TRPM2: variants seen among roughly 807,000 people sequenced by gnomAD.
The protein encoded by TRPM2 is estrogen-responsive element-associated gene 1 protein.
TRPM2 carries 161 observed loss-of-function variants against 174.0 expected under a neutral mutation model. That is an observed-to-expected ratio of 0.93 (90% CI 0.81 to 1.05). The LOEUF (loss-of-function observed/expected upper bound fraction) is 1.05, where lower values mean the gene tolerates loss of function less well. Among genes scored for constraint, TRPM2 ranks in the 50% least tolerant of loss-of-function variants. The pLI is 0.00. For synonymous variants in TRPM2, 954 were observed against 861.3 expected (o/e 1.11, Z -1.88); for missense variants, 2,057 against 2,038.0 (o/e 1.01, Z -0.18).
intron 2 of TRPM2, among the ~76,000 whole-genome samples, chr21:44,360,220 G>C (rs1295787110): frequency 6.6e-6 from 1 of 152,188 alleles, no homozygotes; most frequent in African/African-American, 2.4e-5. Flanking sequence ...GAAAAAAGAG[G>C]GAAGTTAGCA....
At chr21:44,389,798 G>A (rs2049117851) in intron 9 of TRPM2, among the ~76,000 whole-genome samples, 2 of 151,930 alleles carry the variant, frequency 1.3e-5, no homozygotes, top group Admixed American at 6.6e-5. Flanking sequence ...TCGTTCGTCA[G>A]ATATTATTTT....
In TRPM2 at chr21:44,441,925, A is replaced by G. The variant is rs1405080347; in HGVS notation, c.*108A>G. 5 of 1,403,550 alleles carry G rather than the reference A, an allele frequency of 3.6e-6. No homozygotes were observed. Among genetic ancestry groups the G allele is most frequent in the Admixed American group, 2.6e-5 (1 of 38,068 alleles). 86.9% of individuals were successfully genotyped at this position (1,403,550 alleles called of 1,614,324 possible). ...CTCAGGCTGTTCCTGGGCCCTGCAC[A>G]TGATGGGGTTTGGTGGACCCAGTGC... On this transcript the variant is annotated 3_prime_UTR_variant, in exon 32 of 32. Coordinates refer to ENST00000397928, the MANE Select transcript of TRPM2 (RefSeq NM_003307.4).
Position 44,405,895 on chromosome 21 carries a change from C to T in TRPM2, c.2658-10C>T, listed in dbSNP as rs115279384. ...TGGCTGAGATGTGTGTGCTTCTGCC[C>T]GGCGGCCAGGCTCATCCCGGCGACG... is the stretch of plus-strand genomic sequence containing the variant. On this transcript the variant is annotated splice_polypyrimidine_tract_variant and intron_variant, in intron 17 of 31. Transcript: ENST00000397928. 1,625 of 1,599,444 alleles carry T rather than the reference C, an allele frequency of 1.0e-3. 15 individuals carry two copies. The African/African-American group carries it at 0.018, about 18-fold the overall frequency.
Position 44,442,253 on chromosome 21 carries a change from C to A in TRPM2, c.*436C>A, listed in dbSNP as rs116446154. On this transcript the variant is annotated 3_prime_UTR_variant, in exon 32 of 32. Transcript: ENST00000397928. ...AGGCCTATGTCTGTGAGGAAGGGGC[C>A]CTGCCACTCTCCCCAAGAGGGCCTC... 5,684 of 157,408 alleles carry A rather than the reference C, an allele frequency of 0.036. 355 individuals are homozygous for A. Among genetic ancestry groups the A allele is most frequent in the African/African-American group, 0.13 (5,300 of 41,760 alleles). 9.8% of individuals were successfully genotyped at this position (157,408 alleles called of 1,614,324 possible).
chr21:44,440,930 C>T (rs769394713), intron 31 of TRPM2, 25 bp downstream of exon 31: 17 of 1,604,612 alleles, frequency 1.1e-5, no homozygotes, highest in East Asian at 6.7e-5. Flanking sequence ...TCCCTGGAGG[C>T]GGGAGTGGGG....
intron 3 of TRPM2, among the ~76,000 whole-genome samples, chr21:44,365,858 G>C (rs2048344498): frequency 6.6e-6 from 1 of 152,238 alleles, no homozygotes; most frequent in African/African-American, 2.4e-5. Flanking sequence ...AGGGAGACCA[G>C]CACCTCCAGA....
intron 27 of TRPM2, among the ~76,000 whole-genome samples, chr21:44,431,955 C>T (rs144041129): frequency 6.6e-6 from 1 of 152,184 alleles, no homozygotes; most frequent in South Asian, 2.1e-4. Context: ...AACCCCTAAC[C>T]TTAACCCTAA....
intron 5 of TRPM2, among the ~76,000 whole-genome samples, chr21:44,371,093 C>G (rs1032490583): frequency 1.3e-5 from 2 of 152,374 alleles, no homozygotes; most frequent in African/African-American, 4.8e-5. Flanking sequence ...TGGCCATCAT[C>G]CAGCCATCGG....
At chr21:44,435,378 C>T (rs1014079368) in intron 28 of TRPM2, among the ~76,000 whole-genome samples, 161 bp downstream of exon 28, 4 of 152,180 alleles carry the variant, frequency 2.6e-5, no homozygotes, top group South Asian at 2.1e-4. Flanking sequence ...TGTGGATAAA[C>T]GTGAATATGC....
intron 2 of TRPM2, among the ~76,000 whole-genome samples, chr21:44,361,822 C>T (rs1417596755): frequency 2.6e-5 from 4 of 152,164 alleles, no homozygotes; most frequent in Admixed American, 1.3e-4. Flanking sequence ...GATCCTCCCA[C>T]CTCAGTCTCC....
At chr21:44,431,805 G>C (rs2051034202) in intron 27 of TRPM2, among the ~76,000 whole-genome samples, 1 of 152,168 alleles carries the variant, frequency 6.6e-6, no homozygotes, top group Admixed American at 6.5e-5. Context: ...GCCATTCTTT[G>C]TTATCACCTT....
chr21:44,393,656 C>A (rs1393681924), intron 11 of TRPM2, among the ~76,000 whole-genome samples: 1 of 151,974 alleles, frequency 6.6e-6, no homozygotes, highest in Non-Finnish European at 1.5e-5. Flanking sequence ...TCCATCTGGA[C>A]CCAGTGCCTT....
At chr21:44,392,033 T>C (rs1283807168) in intron 11 of TRPM2, among the ~76,000 whole-genome samples, 2 of 152,112 alleles carry the variant, frequency 1.3e-5, no homozygotes, top group Admixed American at 1.3e-4. Flanking sequence ...GGCGTGATCT[T>C]AGCTCACTGC....
chr21:44,430,786 C>G (rs1336239428), intron 27 of TRPM2, among the ~76,000 whole-genome samples: 3 of 152,028 alleles, frequency 2.0e-5, no homozygotes, highest in Non-Finnish European at 4.4e-5. Context: ...ATCTTATTTC[C>G]TGTTTCTTCT....
At position 44,432,325 on chromosome 21, in the gene TRPM2, G is replaced by A. The variant is rs767099620; in HGVS notation, c.3975-2806G>A. The stretch of plus-strand genomic sequence containing the variant: ...TCGTGTTCCTTGGCTTGTGATCTCT[G>A]CCTCCCTAGCCACATGGCCTCTCCC... On this transcript the variant is annotated intron_variant, in intron 27 of 31. Transcript: ENST00000397928. The surrounding 1 kb of genome is among the most constrained non-coding windows in gnomAD (Gnocchi z 4.9). Among the ~76,000 whole-genome samples the A allele has an allele frequency of 6.6e-6, 1 of 152,150 alleles. No homozygotes were observed. The highest frequency in any genetic ancestry group is 1.5e-5 in the Non-Finnish European group (1 of 68,040).
At position 44,366,312 on chromosome 21, in the gene TRPM2, A is replaced by ACAGGAGAGGGGG. The variant is rs201915708; in HGVS notation, c.424-438_424-427dup. 8.0e-6 allele frequency among the ~76,000 whole-genome samples: 1 copy of ACAGGAGAGGGGG among 124,372 alleles called. No homozygotes were observed. The highest frequency in any genetic ancestry group is 3.3e-5 in the African/African-American group (1 of 30,358). The allele number at this position is 124,372 out of a possible 152,430, so 81.6% of individuals were successfully genotyped here. On this transcript the variant is annotated intron_variant, in intron 3 of 31. Coordinates refer to ENST00000397928, the MANE Select transcript of TRPM2 (RefSeq NM_003307.4). This position sits in a 1 kb window ranked among gnomAD's most constrained non-coding sequence, Gnocchi z 6.0. ...GACAGGAGAGGGGACAGGAGAGGGG[A>ACAGGAGAGGGGG]CAGGAGAGGGGGCAGTGCTGGGTGC...
At chr21:44,425,024 G>T in intron 24 of TRPM2, 85 bp downstream of exon 24, 1 of 1,234,834 alleles carries the variant, frequency 8.1e-7, no homozygotes. Flanking sequence ...AGGCAGCTGG[G>T]GGTGGGGGGC....
chr21:44,376,022 G>A lies in TRPM2; in HGVS notation c.952+9G>A, dbSNP rs769840365. On this transcript the variant is annotated intron_variant, in intron 6 of 31. Transcript: ENST00000397928. This position sits in a 1 kb window ranked among gnomAD's most constrained non-coding sequence, Gnocchi z 4.2. Reference sequence around the variant, plus strand: ...GACCAAGGAAAGAGGAGGTAGGGGAGCTTGCTTTCGAGGGTGATTGGGCAG... The same window carrying A: ...GACCAAGGAAAGAGGAGGTAGGGGAACTTGCTTTCGAGGGTGATTGGGCAG... 6.2e-6 allele frequency: 10 copies of A among 1,610,100 alleles called. No homozygotes were observed. The highest frequency in any genetic ancestry group is 2.2e-5 in the East Asian group (1 of 44,798).
Position 44,369,339 on chromosome 21 carries a change from C to T in TRPM2, c.767C>T (p.Pro256Leu). 1 of 1,610,244 alleles carries T rather than the reference C, an allele frequency of 6.2e-7. No individual in the cohort carries two copies. Among genetic ancestry groups the T allele is most frequent in the Non-Finnish European group, 8.5e-7 (1 of 1,177,654 alleles). ...TVHRREGLIH[P>L]TGSFPAEYIL... ...CACCGCCGCGAGGGCCTGATCCATCCCACGGTGAGTGCGGCCCCCTAGGGA... is the reference window on the plus strand; with the variant it reads ...CACCGCCGCGAGGGCCTGATCCATCTCACGGTGAGTGCGGCCCCCTAGGGA... The change falls in exon 5 of 32, where the codon CCC (proline) becomes CTC (leucine). Residue 256 changes from proline to leucine, a missense_variant. Pro to Leu is a moderately conservative substitution (Grantham distance 98). Transcript: ENST00000397928.
Sources: gnomAD v4.1 joint callset for allele counts (sites outside exome capture counted in the v4.1 genomes callset) on GRCh38, gnomAD v4.1.1 for gene constraint, Gnocchi (gnomAD v3.1) non-coding constraint, MANE v1.5 for transcripts, NCBI Gene and HGNC (gene_info 2026-07-23, HGNC 2026-07-21) for gene names.